MORC2: variants seen among roughly 807,000 people sequenced by gnomAD.
MORC2 encodes the protein MORC family CW-type zinc finger 2.
In MORC2, 30 loss-of-function variants were observed where a neutral mutation model predicts 136.0. The observed-to-expected ratio is 0.22, with a 90% confidence interval of 0.17 to 0.30. MORC2 has a LOEUF of 0.30. Among genes scored for constraint, MORC2 ranks in the 10% least tolerant of loss-of-function variants. MORC2 has a pLI of 1.00. For synonymous variants in MORC2, 439 were observed against 487.0 expected (o/e 0.90, Z 1.30); for missense variants, 922 against 1,333.1 (o/e 0.69, Z 4.80).
intron 3 of MORC2, among the ~76,000 whole-genome samples, chr22:30,952,618 A>T (rs533346547): frequency 6.6e-6 from 1 of 152,382 alleles, no homozygotes; most frequent in South Asian, 2.1e-4. Context: ...CACATGCAAT[A>T]CTGCCTCAGG....
In MORC2 at chr22:30,932,861, C is replaced by T. The variant is rs904594126; in HGVS notation, c.2522+28G>A. 3.1e-6 allele frequency: 5 copies of T among 1,613,914 alleles called. No homozygotes were observed. Among genetic ancestry groups the T allele is most frequent in the South Asian group, 1.1e-5 (1 of 91,080 alleles). The stretch of plus-strand genomic sequence containing the variant: ...GCCGGGGATACCTCCTTCGAGGAAC[C>T]ACTGCTCCTCCCTGATTGGGGCATT... On this transcript the variant is annotated intron_variant, in intron 22 of 25. Coordinates refer to ENST00000397641, the MANE Select transcript of MORC2 (RefSeq NM_001303256.3). This position sits in a 1 kb window ranked among gnomAD's most constrained non-coding sequence, Gnocchi z 4.4.
At chr22:30,966,772 C>T (rs1268891713) in intron 1 of MORC2, among the ~76,000 whole-genome samples, 3 of 151,936 alleles carry the variant, frequency 2.0e-5, no homozygotes, top group Admixed American at 6.6e-5. Flanking sequence ...AGCAAGACTC[C>T]GTCTCTCAAA....
intron 1 of MORC2, chr22:30,967,143 G>C (rs779802211): frequency 2.0e-6 from 2 of 985,364 alleles, no homozygotes; most frequent in Non-Finnish European, 2.4e-6. Flanking sequence ...AAGAGAGTGG[G>C]CATATGGATT....
chr22:30,946,030 C>A (rs942225478), intron 6 of MORC2, among the ~76,000 whole-genome samples: 5 of 152,208 alleles, frequency 3.3e-5, no homozygotes, highest in African/African-American at 1.2e-4. Context: ...ACACTCCCCC[C>A]AAAATGGAAT....
chr22:30,963,071 A>G (rs895061220), intron 1 of MORC2, among the ~76,000 whole-genome samples: 2 of 151,770 alleles, frequency 1.3e-5, no homozygotes, highest in Non-Finnish European at 2.9e-5. Flanking sequence ...TCCCGGGTTC[A>G]GGCCATTCTC....
chr22:30,966,406 G>C (rs148780661), intron 1 of MORC2, among the ~76,000 whole-genome samples: 42 of 152,276 alleles, frequency 2.8e-4, no homozygotes, highest in African/African-American at 1.0e-3. Flanking sequence ...TCAACTAGCT[G>C]AATAATCACT....
chr22:30,954,118 A>G (rs2040931374), intron 3 of MORC2, among the ~76,000 whole-genome samples: 1 of 152,192 alleles, frequency 6.6e-6, no homozygotes, highest in South Asian at 2.1e-4. Flanking sequence ...AGCCTGGGCA[A>G]CATGGTGAAA....
chr22:30,950,339 A>AAT, intron 4 of MORC2, 38 bp downstream of exon 4: 3 of 539,978 alleles, frequency 5.6e-6, no homozygotes, highest in Admixed American at 2.9e-5. Context: ...GTTACATCGC[A>AAT]CCCCCCCACC....
chr22:30,936,385 G>C, intron 17 of MORC2, 126 bp downstream of exon 17: 1 of 1,349,334 alleles, frequency 7.4e-7, no homozygotes. Context: ...GGAAAGCTTT[G>C]GCAAACAACG....
chr22:30,933,385 A>T, intron 21 of MORC2, 81 bp downstream of exon 21: 1 of 1,480,012 alleles, frequency 6.8e-7, no homozygotes, highest in Non-Finnish European at 9.3e-7. Flanking sequence ...AGCCTTTGGT[A>T]AATTGCTGCT....
chr22:30,950,358 C>CAAAAA lies in MORC2; in HGVS notation c.226+18_226+19insTTTTT. ...CATCGCACCCCCCCACCCCCCAAAACAATAATCTCATCACTTACTTGGATC... is the reference window on the plus strand; with the variant it reads ...CATCGCACCCCCCCACCCCCCAAAACAAAAAAATAATCTCATCACTTACTTGGATC... On this transcript the variant is annotated intron_variant, in intron 4 of 25. Coordinates refer to ENST00000397641, the MANE Select transcript of MORC2 (RefSeq NM_001303256.3). 1 of 1,111,998 alleles carries CAAAAA rather than the reference C, an allele frequency of 9.0e-7. No individual in the cohort carries two copies. The highest frequency in any genetic ancestry group is 1.3e-6 in the Non-Finnish European group (1 of 782,040). The allele number at this position is 1,111,998 out of a possible 1,614,324, so 68.9% of individuals were successfully genotyped here.
chr22:30,950,764 T>C (rs898117573), intron 3 of MORC2, among the ~76,000 whole-genome samples: 4 of 152,184 alleles, frequency 2.6e-5, no homozygotes, highest in African/African-American at 9.7e-5. Context: ...ATCCTTCTGC[T>C]CACTCCACCT....
chr22:30,935,955 G>A (rs1483023495), intron 17 of MORC2, among the ~76,000 whole-genome samples: 1 of 152,032 alleles, frequency 6.6e-6, no homozygotes. Context: ...ATATACTGCT[G>A]GTAAATAATA....
At position 30,946,344 on chromosome 22, in the gene MORC2, A is replaced by G. The variant is rs200294129; in HGVS notation, c.423T>C (p.Asp141=). The G allele has an allele frequency of 6.2e-7, 1 of 1,606,970 alleles. No homozygotes were observed. The highest frequency in any genetic ancestry group is 2.2e-5 in the East Asian group (1 of 44,568). The change falls in exon 6 of 26, where the codon GAT becomes GAC. Residue 141 remains aspartate, a synonymous_variant. Coordinates refer to ENST00000397641, the MANE Select transcript of MORC2 (RefSeq NM_001303256.3). ...AGACCACGATGATGGGACCTACTTC[A>G]TCAATGCCTTCTTCCTCATGAAACG... ...SRTFHEEEGI[D]EVIVPLPTWN... is the part of the protein sequence containing the mutation.
intron 6 of MORC2, among the ~76,000 whole-genome samples, chr22:30,945,905 T>A (rs1198327374): frequency 6.6e-6 from 1 of 152,124 alleles, no homozygotes; most frequent in Non-Finnish European, 1.5e-5. Flanking sequence ...AGTAACACAT[T>A]TCTTCAAAAG....
At position 30,934,440 on chromosome 22, in the gene MORC2, C is replaced by A. The variant is rs567512791; in HGVS notation, c.2194-249G>T. Among the ~76,000 whole-genome samples, 210 of 152,296 alleles carry A rather than the reference C, an allele frequency of 1.4e-3. 1 individual carries two copies. The highest frequency in any genetic ancestry group is 4.8e-3 in the African/African-American group (198 of 41,560). ...AGTCTACCTGGCCAACTAGCTGTCA[C>A]CTCCCCAAGAACCACCGACCACTGC... On this transcript the variant is annotated intron_variant, in intron 19 of 25. Transcript: ENST00000397641. The surrounding 1 kb of genome is among the most constrained non-coding windows in gnomAD (Gnocchi z 4.4).
At chr22:30,965,949 C>T (rs1351455435) in intron 1 of MORC2, among the ~76,000 whole-genome samples, 3 of 152,260 alleles carry the variant, frequency 2.0e-5, no homozygotes, top group African/African-American at 7.2e-5. Flanking sequence ...ATAAATCCCA[C>T]TGTCTTAAAT....
chr22:30,931,799 A>G (rs1482121386), intron 24 of MORC2, among the ~76,000 whole-genome samples: 2 of 152,224 alleles, frequency 1.3e-5, no homozygotes, highest in African/African-American at 4.8e-5. Context: ...GTAACAACTC[A>G]GTCTCTACTG....
Position 30,937,975 on chromosome 22 carries a change from G to T in MORC2, c.1215-6C>A. The T allele has an allele frequency of 1.9e-6, 3 of 1,614,028 alleles. No homozygotes were observed. The highest frequency in any genetic ancestry group is 2.5e-6 in the Non-Finnish European group (3 of 1,179,984). ...CAACAACCCCGCCACATGCCCTACA[G>T]GGAGAAAGAGAACAAGCTCTGTCAC... On this transcript the variant is annotated splice_region_variant and splice_polypyrimidine_tract_variant and intron_variant, in intron 13 of 25. Transcript: ENST00000397641. The surrounding 1 kb of genome is among the most constrained non-coding windows in gnomAD (Gnocchi z 4.7).
Sources: allele counts gnomAD v4.1 joint callset (sites outside exome capture counted in the v4.1 genomes callset), GRCh38; gene constraint gnomAD v4.1.1; non-coding constraint Gnocchi (gnomAD v3.1); transcripts MANE v1.5; gene names NCBI Gene and HGNC (gene_info 2026-07-23, HGNC 2026-07-21).